Variants in NEGR1 observed in about 807,000 individuals in gnomAD.
The protein encoded by NEGR1 is neuronal growth regulator 1, also known as IgLON family member 4.
Under a neutral mutation model 40.9 loss-of-function variants are expected in NEGR1, and 10 were observed. That is an observed-to-expected ratio of 0.24 (90% CI 0.15 to 0.42). The LOEUF is 0.42. Among genes scored for constraint, NEGR1 ranks in the 10% least tolerant of loss-of-function variants. The pLI is 1.00. For missense variants in NEGR1, 352 were observed against 438.9 expected, an observed-to-expected ratio of 0.80 and a Z score of 1.77; for synonymous variants, 185 against 166.8, an observed-to-expected ratio of 1.11 and a Z score of -0.84.
At chr1:72,192,726 G>A (rs1404333964) in intron 1 of NEGR1, among the ~76,000 whole-genome samples, 1 of 151,532 alleles carries the variant, frequency 6.6e-6, no homozygotes, top group Non-Finnish European at 1.5e-5. Flanking sequence ...TAGAATGGTG[G>A]GCTTCTTCTA....
chr1:71,678,550 C>T (rs1158055898), intron 4 of NEGR1, among the ~76,000 whole-genome samples: 3 of 152,036 alleles, frequency 2.0e-5, no homozygotes, highest in African/African-American at 7.3e-5. Context: ...GGCAGGTCCA[C>T]CCAGAGCAAG....
chr1:71,555,083 T>A (rs1370463856), intron 6 of NEGR1, among the ~76,000 whole-genome samples: 1 of 151,534 alleles, frequency 6.6e-6, no homozygotes, highest in Non-Finnish European at 1.5e-5. Flanking sequence ...CGAATTCAAT[T>A]TGAGACAATG....
At chr1:71,990,089 T>TCA (rs1436423151) in intron 1 of NEGR1, among the ~76,000 whole-genome samples, 1 of 152,222 alleles carries the variant, frequency 6.6e-6, no homozygotes, top group Non-Finnish European at 1.5e-5. Context: ...ACTTTTATTA[T>TCA]CAACTATGAA....
At chr1:71,628,878 T>A (rs1650878546) in intron 4 of NEGR1, among the ~76,000 whole-genome samples, 1 of 152,150 alleles carries the variant, frequency 6.6e-6, no homozygotes, top group African/African-American at 2.4e-5. Flanking sequence ...TAAATATATG[T>A]GTGCATGTGT....
chr1:72,261,889 AT>A (rs201216613), intron 1 of NEGR1, among the ~76,000 whole-genome samples: 1,921 of 152,180 alleles, frequency 0.013, 40 homozygotes, highest in African/African-American at 0.044. Flanking sequence ...CAGGTGAGGG[AT>A]AAAAAATTAC....
At chr1:72,072,024 T>C (rs954765065) in intron 1 of NEGR1, among the ~76,000 whole-genome samples, 2 of 152,146 alleles carry the variant, frequency 1.3e-5, no homozygotes, top group African/African-American at 4.8e-5. Context: ...AAACTCTTAA[T>C]ATGAATGTGT....
rs905453016 is a variant in NEGR1, at chr1:71,404,804, T to G, written c.*2642A>C. ...TAAAAGATAAATCAATTTATAAAAC[T>G]GCTATTCTGAAATTGCAACAATCTT... On this transcript the variant is annotated 3_prime_UTR_variant, in exon 7 of 7. Transcript: ENST00000357731. The G allele has an allele frequency of 6.6e-6, 1 of 152,226 alleles. No homozygotes were observed. The highest frequency in any genetic ancestry group is 2.4e-5 in the African/African-American group (1 of 41,418). 9.4% of individuals were successfully genotyped at this position (152,226 alleles called of 1,614,324 possible). A position where few individuals can be genotyped will look rare whatever the true frequency, so the allele number is the denominator to read the frequency against.
intron 2 of NEGR1, among the ~76,000 whole-genome samples, chr1:71,908,764 C>T (rs1325634276): frequency 6.6e-6 from 1 of 152,126 alleles, no homozygotes; most frequent in Non-Finnish European, 1.5e-5. Flanking sequence ...TCAACTGTTA[C>T]AGTGTTACAG....
At chr1:71,451,957 C>T (rs572929602) in intron 6 of NEGR1, among the ~76,000 whole-genome samples, 5 of 152,276 alleles carry the variant, frequency 3.3e-5, no homozygotes, top group East Asian at 1.9e-4. Flanking sequence ...TTTGCACCCA[C>T]GCCTTTTCCT....
chr1:72,269,402 C>G (rs1655767432), intron 1 of NEGR1, among the ~76,000 whole-genome samples: 1 of 151,510 alleles, frequency 6.6e-6, no homozygotes, highest in Non-Finnish European at 1.5e-5. Context: ...ACTTGGAATA[C>G]TATAACAAGG....
At chr1:71,942,452 A>AATATATAATATAT (rs1409165579) in intron 1 of NEGR1, among the ~76,000 whole-genome samples, 1 of 34,262 alleles carries the variant, frequency 2.9e-5, no homozygotes, top group Non-Finnish European at 5.7e-5. Context: ...AAATTCTTTA[A>AATATATAATATAT]ATCTATATAT....
At chr1:72,106,456 T>C (rs949159034) in intron 1 of NEGR1, among the ~76,000 whole-genome samples, 1 of 152,028 alleles carries the variant, frequency 6.6e-6, no homozygotes, top group Non-Finnish European at 1.5e-5. Context: ...CAGTAGATAT[T>C]GCTAGCTCTC....
chr1:72,182,898 C>T (rs982362273), intron 1 of NEGR1, among the ~76,000 whole-genome samples: 2 of 151,828 alleles, frequency 1.3e-5, no homozygotes, highest in Non-Finnish European at 2.9e-5. Context: ...ATTTGTGACA[C>T]TTCATATTTT....
At chr1:71,602,118 C>T (rs189332872) in intron 5 of NEGR1, among the ~76,000 whole-genome samples, 2 of 152,174 alleles carry the variant, frequency 1.3e-5, no homozygotes. Context: ...CCCTAAGGTG[C>T]CTTTCTAGCC....
intron 2 of NEGR1, among the ~76,000 whole-genome samples, chr1:71,793,419 T>C (rs1404581583): frequency 1.3e-5 from 2 of 148,924 alleles, no homozygotes; most frequent in African/African-American, 5.0e-5. Context: ...TGGGATGGTC[T>C]ATCAGCAACA....
chr1:71,641,855 A>G (rs1379114950), intron 4 of NEGR1, among the ~76,000 whole-genome samples: 1 of 151,990 alleles, frequency 6.6e-6, no homozygotes, highest in East Asian at 1.9e-4. Flanking sequence ...GGGTTATTTG[A>G]AGAGTGACAA....
chr1:71,967,058 C>T (rs1646215609), intron 1 of NEGR1, among the ~76,000 whole-genome samples: 1 of 152,056 alleles, frequency 6.6e-6, no homozygotes, highest in South Asian at 2.1e-4. Flanking sequence ...CATTTGTTTC[C>T]ATTTTAGAAA....
At chr1:72,219,032 C>T (rs1653923494) in intron 1 of NEGR1, among the ~76,000 whole-genome samples, 1 of 152,052 alleles carries the variant, frequency 6.6e-6, no homozygotes, top group African/African-American at 2.4e-5. Flanking sequence ...TGTCCTTCCT[C>T]ATACAAAGCG....
chr1:72,228,131 T>C (rs1654250647), intron 1 of NEGR1, among the ~76,000 whole-genome samples: 1 of 152,136 alleles, frequency 6.6e-6, no homozygotes, highest in South Asian at 2.1e-4. Context: ...GAATTTTCTG[T>C]GTCAACTTGA....
Sources: allele counts gnomAD v4.1 joint callset (sites outside exome capture counted in the v4.1 genomes callset), GRCh38; gene constraint gnomAD v4.1.1; transcripts MANE v1.5; gene names NCBI Gene and HGNC (gene_info 2026-07-23, HGNC 2026-07-21).